Variants in SYCP2L observed in about 807,000 individuals in gnomAD.
SYCP2L encodes synaptonemal complex protein 2-like.
A neutral mutation model predicts 125.8 loss-of-function variants in SYCP2L; 98 were observed. The observed-to-expected ratio is 0.78, with a 90% CI of 0.66 to 0.92. The LOEUF (loss-of-function observed/expected upper bound fraction) is 0.92. Among genes scored for constraint, SYCP2L ranks in the 40% least tolerant of loss-of-function variants. The pLI is 0.00. For synonymous variants in SYCP2L, 317 were observed against 325.4 expected (o/e 0.97, Z 0.28); for missense variants, 842 against 936.4 (o/e 0.90, Z 1.32).
chr6:10,905,337 G>A (rs1477392455), intron 8 of SYCP2L, among the ~76,000 whole-genome samples: 2 of 150,890 alleles, frequency 1.3e-5, no homozygotes, highest in Admixed American at 6.6e-5. Flanking sequence ...TTGTTGCCCA[G>A]GCTGGAGTGC....
At chr6:10,891,836 C>G (rs1348002709) in intron 2 of SYCP2L, among the ~76,000 whole-genome samples, 1 of 152,098 alleles carries the variant, frequency 6.6e-6, no homozygotes, top group Non-Finnish European at 1.5e-5. Context: ...GCTATCTTAC[C>G]AATATCCTAG....
chr6:10,932,260 C>T (rs1225731), intron 20 of SYCP2L, among the ~76,000 whole-genome samples: 28,316 of 152,014 alleles, frequency 0.19, 2,783 homozygotes, highest in Middle Eastern at 0.3. Flanking sequence ...TTTCCCTTCA[C>T]TTATCCTTGT....
intron 20 of SYCP2L, among the ~76,000 whole-genome samples, chr6:10,931,934 C>T (rs1340360989): frequency 1.4e-5 from 2 of 143,134 alleles, no homozygotes; most frequent in Non-Finnish European, 3.0e-5. Flanking sequence ...CACTGCGCTG[C>T]AGCCTGGGTG....
At chr6:10,887,913 C>G (rs770434104) in intron 1 of SYCP2L, among the ~76,000 whole-genome samples, 7 of 152,206 alleles carry the variant, frequency 4.6e-5, no homozygotes, top group Non-Finnish European at 7.3e-5. Flanking sequence ...ATTCAGAGCA[C>G]TTAAGCATAA....
At chr6:10,910,773 T>C (rs1443533716) in intron 11 of SYCP2L, 51 bp from the exon 12 acceptor site, 5 of 1,580,840 alleles carry the variant, frequency 3.2e-6, no homozygotes, top group Admixed American at 1.7e-5. Flanking sequence ...TCTGTAGATG[T>C]GTTTAAGATT....
In SYCP2L at chr6:10,942,499, G is replaced by A; in HGVS notation, c.1854G>A (p.Leu618=). The part of the protein sequence containing the change: ...DPHSLSELSS[L]KHSEDEEKPK... ...ACTCACTGAGTGAGCTCTCTTCCTT[G>A]AAGCACTCAGAAGATGAAGAAAAAC... Residue 618 remains leucine, a synonymous_variant, in exon 22 of 30, where the codon TTG becomes TTA. Transcript: ENST00000283141. 1 of 1,602,148 alleles carries A rather than the reference G, an allele frequency of 6.2e-7. No individual in the cohort carries two copies. The highest frequency in any genetic ancestry group is 8.5e-7 in the Non-Finnish European group (1 of 1,176,348).
chr6:10,903,738 G>A (rs934958321), intron 8 of SYCP2L, among the ~76,000 whole-genome samples: 2 of 151,712 alleles, frequency 1.3e-5, no homozygotes, highest in Non-Finnish European at 2.9e-5. Flanking sequence ...GTGATAGAGC[G>A]AGACTCTGTC....
At chr6:10,895,415 C>CT (rs1780240948) in intron 4 of SYCP2L, among the ~76,000 whole-genome samples, 1 of 152,178 alleles carries the variant, frequency 6.6e-6, no homozygotes, top group Non-Finnish European at 1.5e-5. Context: ...GTCGTACAAT[C>CT]TAATTCCGGT....
At chr6:10,955,654 A>G (rs1781492391) in intron 24 of SYCP2L, among the ~76,000 whole-genome samples, 1 of 152,232 alleles carries the variant, frequency 6.6e-6, no homozygotes, top group Admixed American at 6.5e-5. Context: ...ATTTGAAAGC[A>G]TTGATTCCAG....
At chr6:10,910,449 TA>T (rs1480438845) in intron 11 of SYCP2L, among the ~76,000 whole-genome samples, 1 of 152,210 alleles carries the variant, frequency 6.6e-6, no homozygotes, top group Admixed American at 6.5e-5. Flanking sequence ...TATTTTAAAA[TA>T]ATACATTCTT....
chr6:10,962,096 G>A (rs191239411), intron 28 of SYCP2L, among the ~76,000 whole-genome samples: 1 of 152,112 alleles, frequency 6.6e-6, no homozygotes, highest in Admixed American at 6.5e-5. Flanking sequence ...GGAGAGTTGA[G>A]TCTGGATCCT....
chr6:10,889,398 A>G (rs1375467497), intron 1 of SYCP2L, among the ~76,000 whole-genome samples: 1 of 152,090 alleles, frequency 6.6e-6, no homozygotes, highest in Non-Finnish European at 1.5e-5. Flanking sequence ...CATCACCTCA[A>G]ATATTTATTT....
chr6:10,949,605 G>A (rs1368463585), intron 23 of SYCP2L, among the ~76,000 whole-genome samples: 1 of 151,976 alleles, frequency 6.6e-6, no homozygotes, highest in African/African-American at 2.4e-5. Flanking sequence ...TATGTTTTGA[G>A]GCAGTGCTAC....
At chr6:10,902,614 G>GT in intron 6 of SYCP2L, 63 bp from the exon 7 acceptor site, 1 of 1,381,296 alleles carries the variant, frequency 7.2e-7, no homozygotes, top group Non-Finnish European at 1.0e-6. Flanking sequence ...CTCTGACCGT[G>GT]TGTAGGAGTC....
chr6:10,935,860 T>C (rs978049316), intron 21 of SYCP2L, among the ~76,000 whole-genome samples: 1 of 152,204 alleles, frequency 6.6e-6, no homozygotes, highest in Non-Finnish European at 1.5e-5. Context: ...TGGCCATGGA[T>C]AAGATGTAAG....
chr6:10,915,021 C>T (rs906831879), intron 14 of SYCP2L, among the ~76,000 whole-genome samples: 1 of 152,102 alleles, frequency 6.6e-6, no homozygotes, highest in Non-Finnish European at 1.5e-5. Flanking sequence ...TCTGGGATTA[C>T]AGGCGTGAAC....
At chr6:10,908,679 C>T (rs941611773) in intron 10 of SYCP2L, among the ~76,000 whole-genome samples, 2 of 152,180 alleles carry the variant, frequency 1.3e-5, no homozygotes, top group Non-Finnish European at 2.9e-5. Flanking sequence ...AATCAAGACT[C>T]TTATGAAATA....
intron 2 of SYCP2L, among the ~76,000 whole-genome samples, chr6:10,892,965 A>T (rs1005565726): frequency 1.1e-4 from 10 of 92,948 alleles, no homozygotes; most frequent in East Asian, 3.1e-4. Flanking sequence ...AAAATCTTTT[A>T]TAGTTTAAAT....
rs1281688970 is a variant in SYCP2L, at chr6:10,907,527, G to A, written c.677-15G>A. On this transcript the variant is annotated splice_polypyrimidine_tract_variant and intron_variant, in intron 9 of 29. Transcript: ENST00000283141. Reference sequence around the variant, plus strand: ...GCCCAGAATTATCTATGTCTACTATGTTTTTAATCTCTAGATTATGACCAG... The same window carrying A: ...GCCCAGAATTATCTATGTCTACTATATTTTTAATCTCTAGATTATGACCAG... The A allele has an allele frequency of 6.2e-7, 1 of 1,605,284 alleles. No homozygotes were observed. The highest frequency in any genetic ancestry group is 1.1e-5 in the South Asian group (1 of 89,560).
Sources: allele counts gnomAD v4.1 joint callset (sites outside exome capture counted in the v4.1 genomes callset), GRCh38; gene constraint gnomAD v4.1.1; transcripts MANE v1.5; gene names NCBI Gene and HGNC (gene_info 2026-07-23, HGNC 2026-07-21).